KCNIP4: variants seen among roughly 807,000 people sequenced by gnomAD.
KCNIP4 encodes the protein Kv channel-interacting protein 4.
Under a neutral mutation model 34.0 loss-of-function variants are expected in KCNIP4, and 12 were observed. The observed-to-expected ratio is 0.35, with a 90% confidence interval of 0.23 to 0.57. The LOEUF is 0.57. Among genes scored for constraint, KCNIP4 ranks in the 20% least tolerant of loss-of-function variants. The pLI is 0.83. For synonymous variants in KCNIP4, 124 were observed against 102.2 expected (o/e 1.21, Z -1.29); for missense variants, 238 against 311.7 (o/e 0.76, Z 1.78).
At chr4:21,193,463 G>C (rs934244817) in intron 1 of KCNIP4, among the ~76,000 whole-genome samples, 3 of 151,988 alleles carry the variant, frequency 2.0e-5, no homozygotes, top group Admixed American at 2.0e-4. Context: ...TGACTCCAAA[G>C]AGTCAAGAAT....
intron 1 of KCNIP4, among the ~76,000 whole-genome samples, chr4:20,916,654 CAG>C (rs1251258162): frequency 1.3e-5 from 2 of 151,998 alleles, no homozygotes. Context: ...GTTAGCTAAA[CAG>C]AAATCTAGTT....
At chr4:21,798,137 C>A (rs1300923301) in intron 1 of KCNIP4, among the ~76,000 whole-genome samples, 1 of 151,404 alleles carries the variant, frequency 6.6e-6, no homozygotes, top group Non-Finnish European at 1.5e-5. Flanking sequence ...AAAAAAAATA[C>A]GTACACACAT....
rs373428978 is a variant in KCNIP4, at chr4:21,568,758, TG to T, written c.61+379812del. On this transcript the variant is annotated intron_variant, in intron 1 of 8. Coordinates refer to ENST00000382152, the MANE Select transcript of KCNIP4 (RefSeq NM_025221.6). ...ATGGGCTTCCCAACTTTTGAGTTGT[TG>T]GGATTCGGACTGGCTTCCTGGCTCC... 1.7e-3 allele frequency among the ~76,000 whole-genome samples: 254 copies of T among 152,268 alleles called. 11 individuals are homozygous for T. The South Asian group carries it at 0.046, about 28-fold the overall frequency.
intron 1 of KCNIP4, among the ~76,000 whole-genome samples, chr4:21,135,187 C>T (rs1751407053): frequency 6.6e-6 from 1 of 152,220 alleles, no homozygotes; most frequent in Non-Finnish European, 1.5e-5. Flanking sequence ...TATATCATTG[C>T]TGCTCTCTGC....
chr4:21,463,859 T>C (rs909578968), intron 1 of KCNIP4, among the ~76,000 whole-genome samples: 3 of 152,016 alleles, frequency 2.0e-5, no homozygotes, highest in Non-Finnish European at 4.4e-5. Context: ...TTGTGGGAAA[T>C]GTTTTCGTTT....
chr4:21,158,525 A>G lies in KCNIP4; in HGVS notation c.62-275816T>C, dbSNP rs543612969. The stretch of plus-strand genomic sequence containing the variant: ...AAAATCAGTGTCTGTAATTTACAAT[A>G]TTAACAAACTAAAAAAGTGATTATT... On this transcript the variant is annotated intron_variant, in intron 1 of 8. Transcript: ENST00000382152. Among the ~76,000 whole-genome samples, 71 of 152,312 alleles carry G rather than the reference A, an allele frequency of 4.7e-4. 1 individual carries two copies. The South Asian group carries it at 0.014, about 30-fold the overall frequency.
rs1560199448 is a variant in KCNIP4 at position 21,234,436 on chromosome 4, CGTATATA to C, written c.62-351734_62-351728del. The stretch of plus-strand genomic sequence containing the variant: ...CATATACTATATATATTACATATAA[CGTATATA>C]ATATATATTACATATAACGTATATA... On this transcript the variant is annotated intron_variant, in intron 1 of 8. Coordinates refer to ENST00000382152, the MANE Select transcript of KCNIP4 (RefSeq NM_025221.6). Among the ~76,000 whole-genome samples, 46 of 123,464 alleles carry C rather than the reference CGTATATA, an allele frequency of 3.7e-4. 14 individuals are homozygous for C. The highest frequency in any genetic ancestry group is 9.1e-4 in the East Asian group (4 of 4,400). The allele number at this position is 123,464 out of a possible 152,430, so 81.0% of individuals were successfully genotyped here. A position where few individuals can be genotyped will look rare whatever the true frequency, so the allele number is the denominator to read the frequency against.
intron 1 of KCNIP4, among the ~76,000 whole-genome samples, chr4:21,457,060 C>T (rs572857462): frequency 3.0e-4 from 45 of 152,088 alleles, no homozygotes; most frequent in African/African-American, 1.0e-3. Context: ...GGAAAAAAAA[C>T]ATATCCATTG....
intron 1 of KCNIP4, among the ~76,000 whole-genome samples, chr4:21,049,098 C>T (rs553020831): frequency 1.3e-5 from 2 of 151,082 alleles, no homozygotes; most frequent in Non-Finnish European, 1.5e-5. Flanking sequence ...CTACAGGCGC[C>T]CGCTACCACG....
At chr4:21,394,843 T>C (rs1436398700) in intron 1 of KCNIP4, among the ~76,000 whole-genome samples, 1 of 152,202 alleles carries the variant, frequency 6.6e-6, no homozygotes, top group Non-Finnish European at 1.5e-5. Context: ...AAAGTCTTGA[T>C]TGACACTTCT....
At chr4:20,874,716 T>C (rs1379251743) in intron 2 of KCNIP4, among the ~76,000 whole-genome samples, 2 of 151,736 alleles carry the variant, frequency 1.3e-5, no homozygotes, top group African/African-American at 4.8e-5. Flanking sequence ...AAGATAGAGA[T>C]TATAACCCTT....
chr4:21,084,212 G>A (rs750712078), intron 1 of KCNIP4, among the ~76,000 whole-genome samples: 6 of 150,050 alleles, frequency 4.0e-5, no homozygotes, highest in Non-Finnish European at 8.8e-5. Flanking sequence ...GTCCATCAGC[G>A]TATCCTAACT....
chr4:21,534,266 G>C (rs924148017), intron 1 of KCNIP4, among the ~76,000 whole-genome samples: 4 of 152,146 alleles, frequency 2.6e-5, no homozygotes, highest in South Asian at 2.1e-4. Flanking sequence ...CACATGGGGA[G>C]ATCGATGTTG....
intron 1 of KCNIP4, among the ~76,000 whole-genome samples, chr4:21,052,136 A>G (rs931540733): frequency 2.6e-5 from 4 of 152,130 alleles, no homozygotes; most frequent in Non-Finnish European, 5.9e-5. Context: ...CCAAATTATC[A>G]TCATATTCCC....
intron 1 of KCNIP4, among the ~76,000 whole-genome samples, chr4:21,308,658 G>A (rs1052083844): frequency 2.0e-4 from 30 of 151,814 alleles, no homozygotes; most frequent in Non-Finnish European, 2.4e-4. Context: ...AAGATTTCTC[G>A]CCCTTTCTGC....
At chr4:20,887,129 T>C (rs564205602) in intron 1 of KCNIP4, among the ~76,000 whole-genome samples, 134 of 152,032 alleles carry the variant, frequency 8.8e-4, no homozygotes, top group African/African-American at 3.2e-3. Flanking sequence ...AAAACTTCAT[T>C]AGATGGACTT....
intron 1 of KCNIP4, among the ~76,000 whole-genome samples, chr4:21,877,026 A>G (rs1317242751): frequency 1.3e-5 from 2 of 152,168 alleles, no homozygotes; most frequent in Admixed American, 1.3e-4. Flanking sequence ...CTGACTAAGA[A>G]CAATATCAGC....
intron 1 of KCNIP4, among the ~76,000 whole-genome samples, chr4:20,891,386 C>T (rs1725899571): frequency 6.6e-6 from 1 of 152,102 alleles, no homozygotes; most frequent in East Asian, 1.9e-4. Context: ...GCGGGCTGAT[C>T]ACGAGGTTGG....
intron 1 of KCNIP4, among the ~76,000 whole-genome samples, chr4:21,167,862 T>C (rs1351886120): frequency 6.6e-5 from 10 of 152,188 alleles, no homozygotes; most frequent in Non-Finnish European, 1.3e-4. Flanking sequence ...TTCCTGGCAA[T>C]TGCATTCACT....
Sources: allele counts gnomAD v4.1 joint callset (sites outside exome capture counted in the v4.1 genomes callset), GRCh38; gene constraint gnomAD v4.1.1; transcripts MANE v1.5; gene names NCBI Gene and HGNC (gene_info 2026-07-23, HGNC 2026-07-21).